ANO10: variants seen among roughly 807,000 people sequenced by gnomAD.
ANO10 encodes the protein anoctamin-10.
Under a neutral mutation model 74.7 loss-of-function variants are expected in ANO10, and 77 were observed. That is an observed-to-expected ratio of 1.03 (90% CI 0.86 to 1.25). The LOEUF is 1.25. ANO10 is among the 50% of genes most tolerant of loss of function. The probability of loss-of-function intolerance (pLI) is 0.00; values close to 1 mark genes in which losing one functional copy is unlikely to be tolerated. For missense variants in ANO10, 721 were observed against 778.1 expected (o/e 0.93, Z 0.87); for synonymous variants, 279 against 284.9 (o/e 0.98, Z 0.21).
intron 12 of ANO10, among the ~76,000 whole-genome samples, chr3:43,410,499 T>A (rs1180274894): frequency 6.6e-6 from 1 of 152,230 alleles, no homozygotes; most frequent in Non-Finnish European, 1.5e-5. Flanking sequence ...TGGCCCTGTA[T>A]CTGATTCTGC....
intron 1 of ANO10, among the ~76,000 whole-genome samples, chr3:43,685,614 C>T (rs2084265002): frequency 6.6e-6 from 1 of 152,202 alleles, no homozygotes; most frequent in Admixed American, 6.5e-5. Context: ...AAACTGCTTT[C>T]CAAATGGCTG....
At chr3:43,435,533 C>A (rs887786195) in intron 11 of ANO10, among the ~76,000 whole-genome samples, 16 of 149,736 alleles carry the variant, frequency 1.1e-4, no homozygotes, top group African/African-American at 3.4e-4. Context: ...AAAAGCTGGG[C>A]AAAGTGATCA....
chr3:43,513,704 G>T, intron 11 of ANO10, among the ~76,000 whole-genome samples: 1 of 152,012 alleles, frequency 6.6e-6, no homozygotes, highest in East Asian at 1.9e-4. Flanking sequence ...CAGAGACAGG[G>T]TTTCACCATG....
At chr3:43,395,300 G>T (rs959799821) in intron 12 of ANO10, among the ~76,000 whole-genome samples, 1 of 152,134 alleles carries the variant, frequency 6.6e-6, no homozygotes, top group African/African-American at 2.4e-5. Context: ...GTCATTTATC[G>T]ATTTGTGGAT....
At chr3:43,398,518 G>A (rs1263541635) in intron 12 of ANO10, among the ~76,000 whole-genome samples, 2 of 152,158 alleles carry the variant, frequency 1.3e-5, no homozygotes, top group Non-Finnish European at 2.9e-5. Context: ...TTCCTCATAG[G>A]TAACTTCTGT....
At chr3:43,505,872 T>A (rs1226808778) in intron 11 of ANO10, among the ~76,000 whole-genome samples, 1 of 152,210 alleles carries the variant, frequency 6.6e-6, no homozygotes. Flanking sequence ...AAGATACTTG[T>A]GGAAGAAATT....
intron 11 of ANO10, among the ~76,000 whole-genome samples, chr3:43,526,760 T>A (rs762100348): frequency 6.6e-6 from 1 of 152,034 alleles, no homozygotes. Flanking sequence ...CTTAAAATAT[T>A]TTGAATATTT....
chr3:43,601,942 T>A (rs2082353021), intron 2 of ANO10, among the ~76,000 whole-genome samples: 1 of 152,142 alleles, frequency 6.6e-6, no homozygotes, highest in African/African-American at 2.4e-5. Flanking sequence ...CACCTTAAGA[T>A]CCTTCCCCCA....
chr3:43,430,055 GA>G, intron 12 of ANO10, among the ~76,000 whole-genome samples: 1 of 152,216 alleles, frequency 6.6e-6, no homozygotes, highest in South Asian at 2.1e-4. Context: ...TAATCCAATA[GA>G]ACATGCGAAA....
At chr3:43,604,887 T>G (rs1230908698) in intron 2 of ANO10, among the ~76,000 whole-genome samples, 3 of 152,200 alleles carry the variant, frequency 2.0e-5, no homozygotes, top group Admixed American at 6.5e-5. Context: ...TTCCTTCTGG[T>G]TCAACTGTTT....
chr3:43,672,850 C>T lies in ANO10; in HGVS notation c.-12+18667G>A, dbSNP rs200025856. Among the ~76,000 whole-genome samples, 5 of 152,174 alleles carry T rather than the reference C, an allele frequency of 3.3e-5. No individual in the cohort carries two copies. The East Asian group carries it at 9.7e-4, about 29-fold the overall frequency. On this transcript the variant is annotated intron_variant, in intron 1 of 3. Transcript: ENST00000413397. ...CAGCTTTCAAGAAAAACAAAAAAGCCCTGATTTGAAGTGATTGACAATTTC... is the reference window on the plus strand; with the variant it reads ...CAGCTTTCAAGAAAAACAAAAAAGCTCTGATTTGAAGTGATTGACAATTTC...
chr3:43,374,259 T>C (rs186897290), intron 12 of ANO10, among the ~76,000 whole-genome samples: 210 of 152,364 alleles, frequency 1.4e-3, no homozygotes, highest in Admixed American at 4.8e-3. Context: ...TTTGTTGATA[T>C]AACTTTTAAT....
At chr3:43,425,436 T>C (rs1352826269) in intron 12 of ANO10, among the ~76,000 whole-genome samples, 1 of 152,052 alleles carries the variant, frequency 6.6e-6, no homozygotes. Flanking sequence ...TTTAACCTAA[T>C]TTAACACTGA....
At chr3:43,419,753 C>A (rs1483761495) in intron 12 of ANO10, among the ~76,000 whole-genome samples, 1 of 151,996 alleles carries the variant, frequency 6.6e-6, no homozygotes, top group Non-Finnish European at 1.5e-5. Flanking sequence ...TGACCTCAAA[C>A]AATCCACCCA....
At chr3:43,464,287 A>C (rs541083916) in intron 11 of ANO10, among the ~76,000 whole-genome samples, 6 of 152,228 alleles carry the variant, frequency 3.9e-5, no homozygotes, top group Admixed American at 3.9e-4. Flanking sequence ...ACAGACCAAT[A>C]TCTCTCATTG....
chr3:43,661,606 C>T (rs2083927234), intron 1 of ANO10, among the ~76,000 whole-genome samples: 1 of 152,134 alleles, frequency 6.6e-6, no homozygotes. Context: ...AAGACACAGA[C>T]TGGCAAATTG....
At chr3:43,425,330 CTATT>C (rs1450551788) in intron 12 of ANO10, among the ~76,000 whole-genome samples, 1 of 151,154 alleles carries the variant, frequency 6.6e-6, no homozygotes, top group African/African-American at 2.4e-5. Context: ...TGCCCAGCCT[CTATT>C]TACCTTAACT....
At chr3:43,437,568 A>G (rs2148955561) in intron 11 of ANO10, among the ~76,000 whole-genome samples, 1 of 152,372 alleles carries the variant, frequency 6.6e-6, no homozygotes, top group East Asian at 1.9e-4. Context: ...AGTGCTGAGA[A>G]TAATTAAGAG....
chr3:43,538,055 T>G (rs1392936034), intron 11 of ANO10, among the ~76,000 whole-genome samples: 1 of 152,164 alleles, frequency 6.6e-6, no homozygotes, highest in African/African-American at 2.4e-5. Context: ...CTGGTCAAAT[T>G]TATACCATTT....
Sources: allele counts gnomAD v4.1 joint callset (sites outside exome capture counted in the v4.1 genomes callset), GRCh38; gene constraint gnomAD v4.1.1; transcripts MANE v1.5; gene names NCBI Gene and HGNC (gene_info 2026-07-23, HGNC 2026-07-21).